The following PACRGL variants were observed in gnomAD, a reference collection of about 807,000 sequenced individuals.
The protein encoded by PACRGL is PACRG-like protein.
In PACRGL, 38 loss-of-function variants were observed where a neutral mutation model predicts 34.5. The ratio of observed to expected loss-of-function variants is 1.10; its 90% CI spans 0.85 to 1.44. PACRGL has a LOEUF of 1.44. Ranked by LOEUF, PACRGL falls within the 40% of genes most tolerant of loss-of-function variation. The probability of loss-of-function intolerance (pLI) is 0.00; values close to 1 mark genes in which losing one functional copy is unlikely to be tolerated. For synonymous variants in PACRGL, 128 were observed against 100.1 expected, an observed-to-expected ratio of 1.28 and a Z score of -1.66; for missense variants, 305 against 281.4, an observed-to-expected ratio of 1.08 and a Z score of -0.60.
chr4:20,732,793 A>G (rs1392921392), downstream of PACRGL: 2 of 1,544,320 alleles, frequency 1.3e-6, no homozygotes, highest in Non-Finnish European at 8.9e-7. Context: ...TTCCTGAAAA[A>G]TAAAAGGCAC....
Position 20,730,841 on chromosome 4 carries a change from G to A in PACRGL, c.*3500G>A, listed in dbSNP as rs1356612839. On this transcript the variant is annotated 3_prime_UTR_variant, in exon 9 of 9. Coordinates refer to ENST00000503585, the MANE Select transcript of PACRGL (RefSeq NM_001258345.3). ...GCATGTGAATAGCACTTACTGAGCT[G>A]TTTATGGTAGTGGTAAATGGTGGCT... Among the ~76,000 whole-genome samples the A allele has an allele frequency of 6.6e-6, 1 of 152,172 alleles. No homozygotes were observed. Among genetic ancestry groups the A allele is most frequent in the Non-Finnish European group, 1.5e-5 (1 of 68,030 alleles).
At position 20,729,354 on chromosome 4, in the gene PACRGL, AAGAAAGATTGAAC is replaced by A. The variant is rs1747157862; in HGVS notation, c.*2015_*2027del. On this transcript the variant is annotated 3_prime_UTR_variant, in exon 9 of 9. Coordinates refer to ENST00000503585, the MANE Select transcript of PACRGL (RefSeq NM_001258345.3). The stretch of plus-strand genomic sequence containing the variant: ...ATTGATACAATAGAAAACAGCCTGT[AAGAAAGATTGAAC>A]AAATCCAAAATTATTATATAGGCCT... 1 of 151,734 alleles carries A rather than the reference AAGAAAGATTGAAC, an allele frequency of 6.6e-6. No individual in the cohort carries two copies. Among genetic ancestry groups the A allele is most frequent in the Admixed American group, 6.6e-5 (1 of 15,210 alleles). The allele number at this position is 151,734 out of a possible 1,614,324, so 9.4% of individuals were successfully genotyped here.
Position 20,709,749 on chromosome 4 carries a change from T to A in PACRGL, c.342T>A (p.Asp114Glu). The A allele has an allele frequency of 6.2e-7, 1 of 1,606,572 alleles. No homozygotes were observed. Among genetic ancestry groups the A allele is most frequent in the East Asian group, 2.2e-5 (1 of 44,712 alleles). ...GTCCTCCTGAAAGTCTTTCATTTGATCCACTTCTTATTACTTTAGCTGAGG... is the reference window on the plus strand; with the variant it reads ...GTCCTCCTGAAAGTCTTTCATTTGAACCACTTCTTATTACTTTAGCTGAGG... ...WECPPESLSF[D>E]PLLITLAEGL... The change falls in exon 5 of 9, where the codon GAT (aspartate) becomes GAA (glutamate). Residue 114 changes from aspartate (D) to glutamate (E), a missense_variant. Coordinates refer to ENST00000503585, the MANE Select transcript of PACRGL (RefSeq NM_001258345.3).
chr4:20,735,513 T>G (rs1017600168), downstream of PACRGL, among the ~76,000 whole-genome samples: 5 of 145,954 alleles, frequency 3.4e-5, no homozygotes, highest in African/African-American at 1.0e-4. Flanking sequence ...TTAAATTCAT[T>G]TAGTGTTTTT....
chr4:20,714,969 G>T (rs1274153477), intron 7 of PACRGL, among the ~76,000 whole-genome samples: 1 of 152,146 alleles, frequency 6.6e-6, no homozygotes, highest in African/African-American at 2.4e-5. Flanking sequence ...AAAGACACAT[G>T]CACACGTATG....
At chr4:20,763,059 C>G in the PACRGL span, among the ~76,000 whole-genome samples, 1 of 152,230 alleles carries the variant, frequency 6.6e-6, no homozygotes, top group Non-Finnish European at 1.5e-5. Context: ...GGAACTGCCT[C>G]CATGATTCAA....
In PACRGL at chr4:20,743,920, GAA is replaced by G. The variant is rs56209007; in HGVS notation, c.*57-8635_*57-8634del. ...ATCTACAAAGAAATTAAATTTACAA[GAA>G]AAAAAAAAACCCTTCAAAAAGTGGG... On this transcript the variant is annotated intron_variant, in intron 8 of 8. Transcript: ENST00000507634. 4.3e-3 allele frequency among the ~76,000 whole-genome samples: 610 copies of G among 141,844 alleles called. 7 individuals are homozygous for G. The highest frequency in any genetic ancestry group is 0.015 in the African/African-American group (561 of 38,520). The allele number at this position is 141,844 out of a possible 152,430, so 93.1% of individuals were successfully genotyped here.
intron 8 of PACRGL, among the ~76,000 whole-genome samples, chr4:20,742,160 A>G (rs1751279013): frequency 6.6e-6 from 1 of 152,192 alleles, no homozygotes; most frequent in Non-Finnish European, 1.5e-5. Context: ...AGCTGGTACC[A>G]TTTCTTCTGA....
Position 20,728,848 on chromosome 4 carries a change from T to TGA in PACRGL, c.*1508_*1509dup. The TGA allele has an allele frequency of 6.5e-6, 1 of 152,682 alleles. No individual in the cohort carries two copies. Among genetic ancestry groups the TGA allele is most frequent in the South Asian group, 2.1e-4 (1 of 4,828 alleles). The allele number at this position is 152,682 out of a possible 1,614,324, so 9.5% of individuals were successfully genotyped here. A position where few individuals can be genotyped will look rare whatever the true frequency, so the allele number is the denominator to read the frequency against. On this transcript the variant is annotated 3_prime_UTR_variant, in exon 9 of 9. Coordinates refer to ENST00000503585, the MANE Select transcript of PACRGL (RefSeq NM_001258345.3). ...TCCTTCTGTAGCCTCTTGGTCTTTG[T>TGA]GATATTTCTACAAAACAGGGACGAT...
chr4:20,697,141 T>C (rs770876116), upstream of PACRGL, among the ~76,000 whole-genome samples: 9 of 152,226 alleles, frequency 5.9e-5, no homozygotes, highest in Admixed American at 2.6e-4. Flanking sequence ...ATTTGTTCCA[T>C]GTGCAAGCGG....
At chr4:20,760,290 G>A in the PACRGL span, among the ~76,000 whole-genome samples, 2 of 152,148 alleles carry the variant, frequency 1.3e-5, no homozygotes, top group Admixed American at 6.6e-5. Context: ...GATGAATGGT[G>A]TGCTAACTCC....
rs1329360186 is a variant in PACRGL at position 20,714,547 on chromosome 4, A to G, written c.609+1008A>G. Among the ~76,000 whole-genome samples, 15 of 152,078 alleles carry G rather than the reference A, an allele frequency of 9.9e-5. 1 individual carries two copies. Among genetic ancestry groups the G allele is most frequent in the Non-Finnish European group, 1.5e-5 (1 of 68,012 alleles). On this transcript the variant is annotated intron_variant, in intron 7 of 8. Transcript: ENST00000503585. The stretch of plus-strand genomic sequence containing the variant: ...GTGAATTTGATCCCGTCATTATGAT[A>G]TTAGCTGGTTATTTTGCTCGTTAGT...
At chr4:20,722,233 C>T (rs1743645988) in intron 7 of PACRGL, among the ~76,000 whole-genome samples, 1 of 152,358 alleles carries the variant, frequency 6.6e-6, no homozygotes, top group South Asian at 2.1e-4. Context: ...CACAGCTTTG[C>T]TTGGCTAGGA....
downstream of PACRGL, among the ~76,000 whole-genome samples, chr4:20,735,544 T>G: frequency 6.7e-6 from 1 of 148,626 alleles, no homozygotes; most frequent in East Asian, 1.9e-4. Context: ...TTTTTTTTTT[T>G]TTTGAGATGG....
chr4:20,751,864 C>T (rs1753696501), intron 8 of PACRGL, among the ~76,000 whole-genome samples: 2 of 152,120 alleles, frequency 1.3e-5, no homozygotes, highest in South Asian at 2.1e-4. Flanking sequence ...TTAGAAGTTA[C>T]AGCGGCTTCC....
intron 1 of PACRGL, among the ~76,000 whole-genome samples, chr4:20,703,237 A>G (rs1366350306): frequency 6.6e-6 from 1 of 152,150 alleles, no homozygotes; most frequent in Non-Finnish European, 1.5e-5. Context: ...TCCTAAGGGA[A>G]GATCTTACAC....
chr4:20,725,352 T>TACACACAC lies in PACRGL; in HGVS notation c.690+481_690+488dup, dbSNP rs10584716. ...AAGTGCGTGCATACCCCCATAGGTG[T>TACACACAC]ACACACACACACACACACACACACG... On this transcript the variant is annotated intron_variant, in intron 8 of 8. Coordinates refer to ENST00000503585, the MANE Select transcript of PACRGL (RefSeq NM_001258345.3). Among the ~76,000 whole-genome samples the TACACACAC allele has an allele frequency of 3.1e-3, 469 of 150,386 alleles. 2 individuals carry two copies. Among genetic ancestry groups the TACACACAC allele is most frequent in the Middle Eastern group, 6.9e-3 (2 of 290 alleles).
At chr4:20,704,020 A>G (rs1428992722) in intron 1 of PACRGL, among the ~76,000 whole-genome samples, 1 of 152,212 alleles carries the variant, frequency 6.6e-6, no homozygotes, top group Non-Finnish European at 1.5e-5. Context: ...TACATTGGGT[A>G]GGAGAGTTCA....
At chr4:20,751,910 T>A (rs2149344748) in intron 8 of PACRGL, among the ~76,000 whole-genome samples, 1 of 152,258 alleles carries the variant, frequency 6.6e-6, no homozygotes, top group East Asian at 1.9e-4. Flanking sequence ...GTTTTGATAA[T>A]AGCATAGTGG....
Sources: gnomAD v4.1 joint callset for allele counts (sites outside exome capture counted in the v4.1 genomes callset) on GRCh38, gnomAD v4.1.1 for gene constraint, MANE v1.5 for transcripts, NCBI Gene and HGNC (gene_info 2026-07-23, HGNC 2026-07-21) for gene names.